Variants in SIM1 observed in about 807,000 individuals in gnomAD.
The protein encoded by SIM1 is single-minded homolog 1.
A neutral mutation model predicts 78.2 loss-of-function variants in SIM1; 18 were observed. The observed-to-expected ratio is 0.23, with a 90% CI of 0.16 to 0.34. The LOEUF (loss-of-function observed/expected upper bound fraction) is 0.34, where lower values mean the gene tolerates loss of function less well. Among genes scored for constraint, SIM1 ranks in the 10% least tolerant of loss-of-function variants. The pLI is 1.00. For synonymous variants in SIM1, 417 were observed against 385.2 expected (o/e 1.08, Z -0.97); for missense variants, 939 against 975.1 (o/e 0.96, Z 0.49).
intron 6 of SIM1, among the ~76,000 whole-genome samples, chr6:100,448,934 C>T (rs1396562859): frequency 6.6e-6 from 1 of 152,148 alleles, no homozygotes; most frequent in African/African-American, 2.4e-5. Flanking sequence ...ATCCGAATAG[C>T]GAAGTAGGTC....
chr6:100,419,731 G>A (rs1373502938), intron 10 of SIM1, among the ~76,000 whole-genome samples: 1 of 151,970 alleles, frequency 6.6e-6, no homozygotes, highest in Non-Finnish European at 1.5e-5. Context: ...AACCTCTGTC[G>A]CCCAGGTTCA....
At chr6:100,452,493 G>C (rs1453870997) in intron 3 of SIM1, among the ~76,000 whole-genome samples, 3 of 152,194 alleles carry the variant, frequency 2.0e-5, no homozygotes, top group Admixed American at 1.3e-4. Flanking sequence ...AGCCAGTGAA[G>C]AGCATGATGG....
chr6:100,454,523 C>T (rs886464218), intron 2 of SIM1, among the ~76,000 whole-genome samples: 2 of 152,172 alleles, frequency 1.3e-5, no homozygotes, highest in Non-Finnish European at 2.9e-5. Flanking sequence ...CACCCCCCTA[C>T]CACCAAAACC....
chr6:100,459,913 A>AT (rs1562065359), intron 2 of SIM1, among the ~76,000 whole-genome samples: 1 of 152,158 alleles, frequency 6.6e-6, no homozygotes, highest in African/African-American at 2.4e-5. Flanking sequence ...AAGTCATGCT[A>AT]TTTTTTAGAT....
At chr6:100,428,561 T>A (rs1485848398) in intron 9 of SIM1, among the ~76,000 whole-genome samples, 1 of 151,954 alleles carries the variant, frequency 6.6e-6, no homozygotes, top group Non-Finnish European at 1.5e-5. Flanking sequence ...GAAGATAAGG[T>A]GAAATGAATG....
intron 3 of SIM1, among the ~76,000 whole-genome samples, chr6:100,452,666 T>C (rs1772543188): frequency 6.6e-6 from 1 of 152,212 alleles, no homozygotes; most frequent in South Asian, 2.1e-4. Flanking sequence ...TTTTGTTTTC[T>C]TGTTTATGTT....
Position 100,448,522 on chromosome 6 carries a change from A to T in SIM1, c.700T>A (p.Phe234Ile). Reference protein sequence around the residue: ...EIKLHSNMFMFRASLDMKLIF... With the variant: ...EIKLHSNMFMIRASLDMKLIF... ...AGCTTCATGTCCAGGCTGGCGCGGAACATAAACATATTGCTGTGTAGCTTG... is the reference window on the plus strand; with the variant it reads ...AGCTTCATGTCCAGGCTGGCGCGGATCATAAACATATTGCTGTGTAGCTTG... Residue 234 changes from phenylalanine (F) to isoleucine (I), a missense_variant, in exon 7 of 12, where the codon TTC becomes ATC. Phe to Ile is a conservative substitution (Grantham distance 21). This residue lies in a region of SIM1 where 187 missense variants were observed against 191.6 expected (regional missense o/e 0.98). Coordinates refer to ENST00000369208, the MANE Select transcript of SIM1 (RefSeq NM_005068.3). The T allele has an allele frequency of 6.2e-7, 1 of 1,614,086 alleles. No individual in the cohort carries two copies.
chr6:100,448,812 T>C (rs1357266500), intron 6 of SIM1, 134 bp from the exon 7 acceptor site: 26 of 737,874 alleles, frequency 3.5e-5, no homozygotes, highest in Admixed American at 5.7e-5. Context: ...CACTAAGGAA[T>C]CCAAAGTTAC....
Position 100,393,908 on chromosome 6 carries a change from G to A in SIM1, c.1168-19C>T, listed in dbSNP as rs1184168293. ...CCGAATACTGAAACCGAGTAGGGGA[G>A]AAAAGTCCATTTCAAAAATCAATCG... On this transcript the variant is annotated intron_variant, in intron 10 of 11. Coordinates refer to ENST00000369208, the MANE Select transcript of SIM1 (RefSeq NM_005068.3). The A allele has an allele frequency of 2.0e-6, 3 of 1,516,680 alleles. No homozygotes were observed. Among genetic ancestry groups the A allele is most frequent in the Non-Finnish European group, 2.6e-6 (3 of 1,132,500 alleles). The allele number at this position is 1,516,680 out of a possible 1,614,324, so 94.0% of individuals were successfully genotyped here. A position where few individuals can be genotyped will look rare whatever the true frequency, so the allele number is the denominator to read the frequency against.
rs564795005 is a variant in SIM1 at position 100,390,552 on chromosome 6, G to C, written c.2110C>G (p.Gln704Glu). 6.2e-7 allele frequency: 1 copy of C among 1,614,164 alleles called. No homozygotes were observed. Among genetic ancestry groups the C allele is most frequent in the East Asian group, 2.2e-5 (1 of 44,890 alleles). Residue 704 changes from glutamine to glutamate, a missense_variant, in exon 12 of 12, where the codon CAG becomes GAG. Transcript: ENST00000369208. ...VSPNCFGSHR[Q>E]YFDKHAYTLT... Reference sequence around the variant, plus strand: ...GTGTAAGCATGCTTGTCAAAATACTGCCGGTGAGAGCCAAAGCAGTTTGGA... The same window carrying C: ...GTGTAAGCATGCTTGTCAAAATACTCCCGGTGAGAGCCAAAGCAGTTTGGA...
intron 10 of SIM1, among the ~76,000 whole-genome samples, chr6:100,404,608 T>C (rs1427297735): frequency 6.6e-6 from 1 of 152,130 alleles, no homozygotes; most frequent in Non-Finnish European, 1.5e-5. Context: ...TTCACTGTTA[T>C]GGGAAGAACA....
chr6:100,444,796 T>C (rs192383943), intron 9 of SIM1, among the ~76,000 whole-genome samples: 81 of 152,254 alleles, frequency 5.3e-4, no homozygotes, highest in Non-Finnish European at 2.4e-4. Context: ...AATTAGAAAA[T>C]CAACGAGCTT....
In SIM1 at chr6:100,448,608, T is replaced by C; in HGVS notation, c.614A>G (p.Tyr205Cys). The part of the protein sequence containing the change: ...SLDMSPFDGC[Y>C]QNVGLVAVGH... ...CACGGCCACCAGGCCCACGTTTTGG[T>C]AGCAGCCGTCGAAGGGGGACATGTC... is the stretch of plus-strand genomic sequence containing the variant. Residue 205 changes from tyrosine to cysteine, a missense_variant, in exon 7 of 12, where the codon TAC becomes TGC. Transcript: ENST00000369208. The C allele has an allele frequency of 6.2e-7, 1 of 1,614,022 alleles. No homozygotes were observed. Among genetic ancestry groups the C allele is most frequent in the Non-Finnish European group, 8.5e-7 (1 of 1,180,010 alleles).
intron 9 of SIM1, among the ~76,000 whole-genome samples, chr6:100,430,413 T>G (rs1027141880): frequency 6.6e-6 from 1 of 152,210 alleles, no homozygotes; most frequent in Non-Finnish European, 1.5e-5. Context: ...GGCATATATT[T>G]AAAATTGTCA....
intron 9 of SIM1, among the ~76,000 whole-genome samples, chr6:100,424,074 C>T (rs958091474): frequency 2.6e-5 from 3 of 114,172 alleles, no homozygotes; most frequent in South Asian, 3.6e-4. Flanking sequence ...CCCCTCCCAC[C>T]CCCCGCCCAG....
chr6:100,453,667 T>C, intron 3 of SIM1, 95 bp downstream of exon 3: 1 of 946,902 alleles, frequency 1.1e-6, no homozygotes, highest in East Asian at 2.7e-5. Context: ...TTGTTTTTTT[T>C]TTGTTTTTGT....
intron 2 of SIM1, among the ~76,000 whole-genome samples, chr6:100,454,833 A>G (rs1007156263): frequency 2.0e-5 from 3 of 152,202 alleles, no homozygotes; most frequent in African/African-American, 7.2e-5. Context: ...AAAAACAAAG[A>G]AGGCAAAAAA....
chr6:100,458,000 CTCTCTT>C (rs1562064124), intron 2 of SIM1, among the ~76,000 whole-genome samples: 13 of 98,880 alleles, frequency 1.3e-4, no homozygotes, highest in African/African-American at 2.6e-4. Context: ...CTGTCTGTCT[CTCTCTT>C]TCTCTCTCTC....
chr6:100,393,265 A>G (rs1170681028), intron 11 of SIM1, among the ~76,000 whole-genome samples: 1 of 152,234 alleles, frequency 6.6e-6, no homozygotes, highest in Non-Finnish European at 1.5e-5. Context: ...ATACTTTCTG[A>G]TGTTTAATAT....
Sources: allele counts gnomAD v4.1 joint callset (sites outside exome capture counted in the v4.1 genomes callset), GRCh38; gene constraint gnomAD v4.1.1; regional missense constraint gnomAD v4.1.1; transcripts MANE v1.5; gene names NCBI Gene and HGNC (gene_info 2026-07-23, HGNC 2026-07-21).